The following L3MBTL4 variants were observed in gnomAD, a reference collection of about 807,000 sequenced individuals.
L3MBTL4 encodes lethal(3)malignant brain tumor-like protein 4.
In L3MBTL4, 70 loss-of-function variants were observed where a neutral mutation model predicts 84.5. The observed-to-expected ratio is 0.83, with a 90% CI of 0.68 to 1.01. The LOEUF (loss-of-function observed/expected upper bound fraction) is 1.01. Among genes scored for constraint, L3MBTL4 ranks in the 50% least tolerant of loss-of-function variants. The pLI, the probability that L3MBTL4 is intolerant of heterozygous loss-of-function variation, is 0.00. For missense variants in L3MBTL4, 715 were observed against 754.8 expected (o/e 0.95, Z 0.62); for synonymous variants, 274 against 259.8 (o/e 1.05, Z -0.52).
chr18:6,124,867 C>G (rs9944621), intron 14 of L3MBTL4, among the ~76,000 whole-genome samples: 1 of 151,394 alleles, frequency 6.6e-6, no homozygotes, highest in Non-Finnish European at 1.5e-5. Context: ...TTTCTTTCCA[C>G]GAATTGATCT....
intron 4 of L3MBTL4, among the ~76,000 whole-genome samples, chr18:6,292,410 G>A (rs544035616): frequency 6.6e-6 from 1 of 152,008 alleles, no homozygotes; most frequent in African/African-American, 2.4e-5. Context: ...AATAATGTTG[G>A]CTCAACACCT....
At chr18:6,275,676 G>A (rs182784639) in intron 4 of L3MBTL4, among the ~76,000 whole-genome samples, 4 of 152,264 alleles carry the variant, frequency 2.6e-5, no homozygotes, top group African/African-American at 7.2e-5. Context: ...ACTCAATCAC[G>A]ACATTGCATT....
chr18:6,095,572 G>A (rs537700106), intron 14 of L3MBTL4, among the ~76,000 whole-genome samples: 8 of 152,152 alleles, frequency 5.3e-5, no homozygotes, highest in African/African-American at 1.9e-4. Context: ...GGACGGTCTC[G>A]ATCTCCTGAC....
chr18:6,063,299 C>CTGTG (rs61413638), intron 16 of L3MBTL4, among the ~76,000 whole-genome samples: 11,901 of 141,148 alleles, frequency 0.084, 876 homozygotes, highest in African/African-American at 0.19. Flanking sequence ...CTATAAATAT[C>CTGTG]TGTGTGTGTG....
chr18:6,155,759 T>C (rs1267755460), intron 13 of L3MBTL4, among the ~76,000 whole-genome samples: 1 of 152,192 alleles, frequency 6.6e-6, no homozygotes, highest in Non-Finnish European at 1.5e-5. Flanking sequence ...CATTGAATTT[T>C]AGGTTTGTGT....
chr18:5,971,830 G>A (rs1237943451), intron 16 of L3MBTL4, among the ~76,000 whole-genome samples: 1 of 152,210 alleles, frequency 6.6e-6, no homozygotes, highest in Non-Finnish European at 1.5e-5. Context: ...TCTGGAAGAT[G>A]ACAGATGGGG....
At position 6,166,784 on chromosome 18, in the gene L3MBTL4, C is replaced by T. The variant is rs1367812369; in HGVS notation, c.1096+5044G>A. ...ATTAAAAGAACTAGAGAAGCAAGAG[C>T]AAACACATTCAAAAGCTAGCAGAAG... On this transcript the variant is annotated intron_variant, in intron 13 of 18. Transcript: ENST00000317931. 3.9e-5 allele frequency among the ~76,000 whole-genome samples: 6 copies of T among 152,100 alleles called. No individual in the cohort carries two copies. The South Asian group carries it at 1.0e-3, about 26-fold the overall frequency.
intron 14 of L3MBTL4, among the ~76,000 whole-genome samples, chr18:6,131,291 C>T (rs953987664): frequency 6.6e-5 from 10 of 152,168 alleles, no homozygotes; most frequent in Non-Finnish European, 1.5e-4. Flanking sequence ...AAGTGGAGCA[C>T]TACATTTTCA....
rs1714094272 is a variant in L3MBTL4, at chr18:6,361,861, G to C, written c.-90-49805C>G. ...CAAGTTGTGGCTGGGCGTGGTTGCAGTCCCAGCACTTTGGGAGGCAGACGC... is the reference window on the plus strand; with the variant it reads ...CAAGTTGTGGCTGGGCGTGGTTGCACTCCCAGCACTTTGGGAGGCAGACGC... On this transcript the variant is annotated intron_variant, in intron 1 of 18. Coordinates refer to ENST00000317931, the MANE Select transcript of L3MBTL4 (RefSeq NM_001330559.2). Among the ~76,000 whole-genome samples, 3 of 152,120 alleles carry C rather than the reference G, an allele frequency of 2.0e-5. No individual in the cohort carries two copies. In the South Asian group the frequency reaches 6.2e-4, roughly 32 times the overall value.
intron 18 of L3MBTL4, among the ~76,000 whole-genome samples, chr18:5,957,471 C>T (rs1281745553): frequency 6.6e-6 from 1 of 151,726 alleles, no homozygotes; most frequent in Non-Finnish European, 1.5e-5. Context: ...GTGTAGGCTG[C>T]TTTCCCCAGC....
intron 4 of L3MBTL4, among the ~76,000 whole-genome samples, chr18:6,266,789 G>C (rs1324676371): frequency 6.6e-6 from 1 of 152,092 alleles, no homozygotes; most frequent in African/African-American, 2.4e-5. Flanking sequence ...CAGGTATAAT[G>C]GTGCATGCCT....
intron 16 of L3MBTL4, chr18:6,079,933 T>C (rs1435177171): frequency 6.6e-6 from 1 of 152,252 alleles, no homozygotes; most frequent in Non-Finnish European, 1.5e-5. Flanking sequence ...GCCCTCTCTT[T>C]TCTGAGGAAA....
chr18:6,235,197 A>T (rs980357780), intron 10 of L3MBTL4, among the ~76,000 whole-genome samples: 7 of 152,156 alleles, frequency 4.6e-5, no homozygotes, highest in African/African-American at 9.7e-5. Context: ...GAGGGATAGC[A>T]TTAGGAGAAA....
intron 17 of L3MBTL4, among the ~76,000 whole-genome samples, chr18:5,967,504 T>C (rs1175801663): frequency 6.6e-6 from 1 of 152,258 alleles, no homozygotes; most frequent in South Asian, 2.1e-4. Context: ...TCTTTGTTTC[T>C]GATTAGATAC....
At chr18:6,407,928 A>G (rs1020021571) in intron 1 of L3MBTL4, among the ~76,000 whole-genome samples, 2 of 152,194 alleles carry the variant, frequency 1.3e-5, no homozygotes, top group Admixed American at 1.3e-4. Context: ...TCCAGTCTCA[A>G]GGAGGCTTGG....
intron 5 of L3MBTL4, among the ~76,000 whole-genome samples, chr18:6,257,465 A>C (rs1181130231): frequency 6.6e-6 from 1 of 152,118 alleles, no homozygotes; most frequent in Non-Finnish European, 1.5e-5. Context: ...GGTTGGAAAA[A>C]TCCAGAAAGA....
At chr18:6,000,707 G>T (rs1175890960) in intron 16 of L3MBTL4, among the ~76,000 whole-genome samples, 1 of 152,170 alleles carries the variant, frequency 6.6e-6, no homozygotes, top group Non-Finnish European at 1.5e-5. Context: ...CATACCATGT[G>T]CCACATTCAG....
Position 6,198,792 on chromosome 18 carries a change from A to G in L3MBTL4, c.981+14357T>C, listed in dbSNP as rs80176793. On this transcript the variant is annotated intron_variant, in intron 12 of 18. Coordinates refer to ENST00000317931, the MANE Select transcript of L3MBTL4 (RefSeq NM_001330559.2). The stretch of plus-strand genomic sequence containing the variant: ...GTGTTGACAGTGATAGGCTGGTCAC[A>G]TGTAATACTAGAGAATAGTTACTAA... 8.2e-3 allele frequency among the ~76,000 whole-genome samples: 1,252 copies of G among 152,332 alleles called. 15 individuals carry two copies. Among genetic ancestry groups the G allele is most frequent in the African/African-American group, 0.029 (1,215 of 41,574 alleles).
chr18:6,252,412 T>G (rs8090153), intron 5 of L3MBTL4, among the ~76,000 whole-genome samples: 13,031 of 151,994 alleles, frequency 0.086, 1,800 homozygotes, highest in African/African-American at 0.29. Context: ...ATGGTGTGTT[T>G]TCATTTTTTA....
Sources: gnomAD v4.1 joint callset for allele counts (sites outside exome capture counted in the v4.1 genomes callset) on GRCh38, gnomAD v4.1.1 for gene constraint, MANE v1.5 for transcripts, NCBI Gene and HGNC (gene_info 2026-07-23, HGNC 2026-07-21) for gene names.